KMT2D: variants seen among roughly 807,000 people sequenced by gnomAD.
The protein encoded by KMT2D is histone-lysine N-methyltransferase 2D.
KMT2D carries 55 observed loss-of-function variants against 512.7 expected under a neutral mutation model. The ratio of observed to expected loss-of-function variants is 0.11; its 90% CI spans 0.09 to 0.13. The LOEUF (loss-of-function observed/expected upper bound fraction) is 0.13, where lower values mean the gene tolerates loss of function less well. Ranked by LOEUF, KMT2D falls within the 10% of genes least tolerant of loss-of-function variation. KMT2D has a pLI of 1.00. For synonymous variants in KMT2D, 2,995 were observed against 2,904.0 expected, an observed-to-expected ratio of 1.03 and a Z score of -1.01; for missense variants, 6,061 against 7,127.9, an observed-to-expected ratio of 0.85 and a Z score of 5.39.
In KMT2D at chr12:49,037,128, T is replaced by C. The variant is rs1943258867; in HGVS notation, c.10228A>G (p.Thr3410Ala). The C allele has an allele frequency of 3.2e-6, 5 of 1,567,920 alleles. No homozygotes were observed. Among genetic ancestry groups the C allele is most frequent in the Non-Finnish European group, 4.3e-6 (5 of 1,151,518 alleles). Residue 3410 changes from threonine to alanine, a missense_variant, in exon 35 of 55, where the codon ACA becomes GCA. Physicochemically the swap from Thr to Ala is moderately conservative, Grantham distance 58. Around this residue, in one of 16 missense-constraint regions of KMT2D, gnomAD observed 533 missense variants for 539.6 expected, o/e 0.99. Transcript: ENST00000301067. Reference protein sequence around the residue: ...QQLANSFFPDTDLDKFAAEDI... With the variant: ...QQLANSFFPDADLDKFAAEDI... ...CTATGTTACCAGCTGAGGTTACCTG[T>C]ATCTGGGAAGAAGCTGTTTGCCAGC...
chr12:49,019,092 T>C lies in KMT2D; in HGVS notation c.*2688A>G. 1 of 1,208,842 alleles carries C rather than the reference T, an allele frequency of 8.3e-7. No individual in the cohort carries two copies. The highest frequency in any genetic ancestry group is 1.0e-6 in the Non-Finnish European group (1 of 967,110). The allele number at this position is 1,208,842 out of a possible 1,614,324, so 74.9% of individuals were successfully genotyped here. On this transcript the variant is annotated 3_prime_UTR_variant, in exon 55 of 55. Coordinates refer to ENST00000301067, the MANE Select transcript of KMT2D (RefSeq NM_003482.4). ...AATATGTACAGTTCAGAATGATCGC[T>C]GATACAAAACATGCCAAGGACAGGG...
At position 49,050,465 on chromosome 12, in the gene KMT2D, C is replaced by A. The variant is rs1025261494; in HGVS notation, c.3123G>T (p.Gln1041His). ...ACAGTGGTAGGGCAGGAGGAGAGCA[C>A]TGGGAAGGAGGGGAGTTTTGGGGAA... is the stretch of plus-strand genomic sequence containing the variant. ...SLVPQNSPPS[Q>H]CSPPALPLSV... Residue 1041 changes from glutamine to histidine, a missense_variant, in exon 12 of 55, where the codon CAG (glutamine) becomes CAT (histidine). Around this residue, in one of 16 missense-constraint regions of KMT2D, gnomAD observed 447 missense variants for 500.1 expected, o/e 0.89. Coordinates refer to ENST00000301067, the MANE Select transcript of KMT2D (RefSeq NM_003482.4). The A allele has an allele frequency of 1.9e-6, 3 of 1,613,816 alleles. No individual in the cohort carries two copies. The highest frequency in any genetic ancestry group is 2.5e-6 in the Non-Finnish European group (3 of 1,179,816).
Position 49,039,143 on chromosome 12 carries a change from A to G in KMT2D, c.8366+79T>C. ...GATACTGGAAAAGGATTAGTGATAC[A>G]GGAAAATCACAAGAGCTTCCAACAG... On this transcript the variant is annotated intron_variant, in intron 34 of 54. Transcript: ENST00000301067. This position sits in a 1 kb window ranked among gnomAD's most constrained non-coding sequence, Gnocchi z 5.0. 1 of 1,577,756 alleles carries G rather than the reference A, an allele frequency of 6.3e-7. No individual in the cohort carries two copies.
At chr12:49,045,593 A>G (rs10783301) in intron 19 of KMT2D, among the ~76,000 whole-genome samples, 60,995 of 150,224 alleles carry the variant, frequency 0.41, 12,639 homozygotes, top group African/African-American at 0.48. Context: ...GCAATGTGCC[A>G]AGCTTGTGCC....
chr12:49,052,764 A>G, intron 9 of KMT2D, 55 bp from the exon 10 acceptor site: 6 of 1,600,490 alleles, frequency 3.7e-6, no homozygotes, highest in Non-Finnish European at 5.1e-6. Flanking sequence ...AACAAATCCT[A>G]GAGAGCACAC....
intron 51 of KMT2D, among the ~76,000 whole-genome samples, chr12:49,023,396 G>A (rs1433408153): frequency 6.6e-6 from 1 of 152,154 alleles, no homozygotes; most frequent in Non-Finnish European, 1.5e-5. Context: ...CAGCCTAAAG[G>A]TGGTATCCTT....
chr12:49,052,307 G>T lies in KMT2D; in HGVS notation c.1376C>A (p.Ser459Tyr), dbSNP rs758601882. The change falls in exon 11 of 55, where the codon TCC (serine) becomes TAC (tyrosine). Residue 459 changes from serine (S) to tyrosine (Y), a missense_variant. By Grantham distance (144) the Ser-to-Tyr change is moderately radical. This residue lies in a region of KMT2D where 848 missense variants were observed against 838.5 expected (regional missense o/e 1.01). Coordinates refer to ENST00000301067, the MANE Select transcript of KMT2D (RefSeq NM_003482.4). ...CAGGCGTGATGCCTCAGGTGGTGGG[G>T]ACGTGGGTGATTCCTCAGGTGGTGG... ...LSPPPEESPT[S>Y]PPPEASRLSP... is the part of the protein sequence containing the mutation. The T allele has an allele frequency of 1.3e-6, 2 of 1,587,050 alleles. No homozygotes were observed. Among genetic ancestry groups the T allele is most frequent in the Admixed American group, 3.4e-5 (2 of 58,710 alleles).
chr12:49,047,909 G>A (rs1937651800), intron 15 of KMT2D, 56 bp downstream of exon 15: 3 of 1,240,708 alleles, frequency 2.4e-6, no homozygotes, highest in Non-Finnish European at 3.6e-6. Flanking sequence ...AAGGAACTAG[G>A]GTAAGAAATA....
chr12:49,033,291 G>A lies in KMT2D; in HGVS notation c.11414C>T (p.Ala3805Val), dbSNP rs867414725. ...CTGCTGCTGCAACACAGCCACCTGG[G>A]CAGGGCCCAGCATGCCCTGGGGCCC... is the stretch of plus-strand genomic sequence containing the variant. ...PQGPQGMLGP[A>V]QVAVLQQQHP... Residue 3805 changes from alanine (A) to valine (V), a missense_variant, in exon 40 of 55, where the codon GCC becomes GTC. Transcript: ENST00000301067. The A allele has an allele frequency of 6.3e-7, 1 of 1,582,572 alleles. No individual in the cohort carries two copies. The highest frequency in any genetic ancestry group is 1.2e-5 in the South Asian group (1 of 86,460).
rs374208163 is a variant in KMT2D, at chr12:49,038,032, T to C, written c.9324A>G (p.Glu3108=). Residue 3108 remains glutamate (E), a synonymous_variant, in exon 35 of 55, where the codon GAA becomes GAG. Coordinates refer to ENST00000301067, the MANE Select transcript of KMT2D (RefSeq NM_003482.4). The surrounding 1 kb of genome is among the most constrained non-coding windows in gnomAD (Gnocchi z 5.7). The part of the protein sequence containing the change: ...ERPPPAADAS[E]PRLASVLPEV... ...CAGGGAGCACAGATGCCAGGCGGGGTTCAGAGGCATCAGCAGCAGGGGGAG... is the reference window on the plus strand; with the variant it reads ...CAGGGAGCACAGATGCCAGGCGGGGCTCAGAGGCATCAGCAGCAGGGGGAG... 2.4e-5 allele frequency: 38 copies of C among 1,610,100 alleles called. No individual in the cohort carries two copies. The highest frequency in any genetic ancestry group is 3.2e-5 in the Non-Finnish European group (38 of 1,178,494).
rs991859389 is a variant in KMT2D, at chr12:49,022,897, G to A, written c.16053-22C>T. The A allele has an allele frequency of 6.4e-7, 1 of 1,556,214 alleles. No homozygotes were observed. Among genetic ancestry groups the A allele is most frequent in the Non-Finnish European group, 8.7e-7 (1 of 1,147,660 alleles). On this transcript the variant is annotated intron_variant, in intron 51 of 54. Coordinates refer to ENST00000301067, the MANE Select transcript of KMT2D (RefSeq NM_003482.4). The surrounding 1 kb of genome is among the most constrained non-coding windows in gnomAD (Gnocchi z 8.6). ...GGGCCTGGGAGGTGATATAATCCAT[G>A]ACAAGACAGCTCTCCCTCAGACCAA...
rs2120544387 is a variant in KMT2D, at chr12:49,041,279, G to A, written c.6491C>T (p.Pro2164Leu). The A allele has an allele frequency of 1.3e-6, 2 of 1,520,574 alleles. No homozygotes were observed. The highest frequency in any genetic ancestry group is 2.6e-5 in the South Asian group (2 of 75,866). The allele number at this position is 1,520,574 out of a possible 1,614,324, so 94.2% of individuals were successfully genotyped here. A position where few individuals can be genotyped will look rare whatever the true frequency, so the allele number is the denominator to read the frequency against. The change falls in exon 32 of 55, where the codon CCA (proline) becomes CTA (leucine). Residue 2164 changes from proline (P) to leucine (L), a missense_variant. By Grantham distance (98) the Pro-to-Leu change is moderately conservative (BLOSUM62 -3). Transcript: ENST00000301067. The surrounding 1 kb of genome is among the most constrained non-coding windows in gnomAD (Gnocchi z 5.4). ...DSPGELFLKL[P>L]PQVPAQVPSQ... ...AGGCACTTGGGCGGGCACCTGGGGT[G>A]GGAGCTTGAGGAAGAGCTCACCAGG... is the stretch of plus-strand genomic sequence containing the variant.
In KMT2D at chr12:49,032,887, G is replaced by C; in HGVS notation, c.11818C>G (p.Leu3940Val). 6.5e-7 allele frequency: 1 copy of C among 1,549,778 alleles called. No homozygotes were observed. Among genetic ancestry groups the C allele is most frequent in the Non-Finnish European group, 8.7e-7 (1 of 1,146,804 alleles). ...AGCTGTTGCTGCTGCTGTTGTTGAA[G>C]CTGCTGCTGCTGTTGCTGCTGTTGA... ...QLQQQQQQQQ[L>V]QQQQQQQLQQ... Residue 3940 changes from leucine to valine, a missense_variant, in exon 40 of 55, where the codon CTT becomes GTT. By Grantham distance (32) the Leu-to-Val change is conservative. Coordinates refer to ENST00000301067, the MANE Select transcript of KMT2D (RefSeq NM_003482.4).
chr12:49,044,950 C>A lies in KMT2D; in HGVS notation c.4757G>T (p.Arg1586Leu), dbSNP rs1170765431. The A allele has an allele frequency of 6.2e-7, 1 of 1,613,818 alleles. No individual in the cohort carries two copies. Among genetic ancestry groups the A allele is most frequent in the Non-Finnish European group, 8.5e-7 (1 of 1,179,714 alleles). The change falls in exon 20 of 55, where the codon CGC (arginine) becomes CTC (leucine). Residue 1586 changes from arginine (R) to leucine (L), a missense_variant. Transcript: ENST00000301067. This position sits in a 1 kb window ranked among gnomAD's most constrained non-coding sequence, Gnocchi z 6.4. Reference sequence around the variant, plus strand: ...TTCTGTCAGCCACACACCTTCGAAGCGAAAGTACTGGGGCTCTGCATAAGA... The same window carrying A: ...TTCTGTCAGCCACACACCTTCGAAGAGAAAGTACTGGGGCTCTGCATAAGA... Reference protein sequence around the residue: ...KVKEPEPQYFRFEGVWLTETG... With the variant: ...KVKEPEPQYFLFEGVWLTETG...
At position 49,034,562 on chromosome 12, in the gene KMT2D, A is replaced by C; in HGVS notation, c.10440+20T>G. On this transcript the variant is annotated intron_variant, in intron 37 of 54. Transcript: ENST00000301067. ...CCAGTGGCATAAGACACAAGTTCCT[A>C]CTCCCACCTGACCACTTACCTGGCC... 6.2e-7 allele frequency: 1 copy of C among 1,611,810 alleles called. No individual in the cohort carries two copies.
chr12:49,037,203 T>A lies in KMT2D; in HGVS notation c.10153A>T (p.Met3385Leu), dbSNP rs746623211. The part of the protein sequence containing the change: ...PVLSQKPMGT[M>L]PPSMCMKPQQ... ...GGCTTCATGCACATGGAAGGTGGCA[T>A]GGTGCCCATGGGCTTCTGTGATAGC... The change falls in exon 35 of 55, where the codon ATG (methionine) becomes TTG (leucine). Residue 3385 changes from methionine (M) to leucine (L), a missense_variant. Coordinates refer to ENST00000301067, the MANE Select transcript of KMT2D (RefSeq NM_003482.4). 6.2e-7 allele frequency: 1 copy of A among 1,609,988 alleles called. No homozygotes were observed. The highest frequency in any genetic ancestry group is 8.5e-7 in the Non-Finnish European group (1 of 1,176,822).
In KMT2D at chr12:49,039,174, A is replaced by C; in HGVS notation, c.8366+48T>G. On this transcript the variant is annotated intron_variant, in intron 34 of 54. Transcript: ENST00000301067. The surrounding 1 kb of genome is among the most constrained non-coding windows in gnomAD (Gnocchi z 5.0). ...ATCACAAGAGCTTCCAACAGTGATA[A>C]AATCCATCCCCCTTGGTTTACCCCC... The C allele has an allele frequency of 1.9e-6, 3 of 1,605,576 alleles. No homozygotes were observed. The South Asian group carries it at 3.3e-5, about 18-fold the overall frequency.
chr12:49,044,365 C>T lies in KMT2D; in HGVS notation c.5083+38G>A, dbSNP rs1225036439. 6.2e-7 allele frequency: 1 copy of T among 1,613,542 alleles called. No individual in the cohort carries two copies. The highest frequency in any genetic ancestry group is 1.3e-5 in the African/African-American group (1 of 74,886). ...GGGGGACCTATTGAGCTGCCCCGCA[C>T]CACCCCACCACCCCACAACCCCATC... On this transcript the variant is annotated intron_variant, in intron 21 of 54. Transcript: ENST00000301067. This position sits in a 1 kb window ranked among gnomAD's most constrained non-coding sequence, Gnocchi z 6.4.
rs1480522847 is a variant in KMT2D at position 49,039,427 on chromosome 12, C to G, written c.8229+8G>C. The G allele has an allele frequency of 1.9e-6, 3 of 1,600,102 alleles. No homozygotes were observed. The highest frequency in any genetic ancestry group is 1.7e-6 in the Non-Finnish European group (2 of 1,172,120). On this transcript the variant is annotated splice_region_variant and intron_variant, in intron 33 of 54. Coordinates refer to ENST00000301067, the MANE Select transcript of KMT2D (RefSeq NM_003482.4). This position sits in a 1 kb window ranked among gnomAD's most constrained non-coding sequence, Gnocchi z 5.0. Reference sequence around the variant, plus strand: ...CCTGGCCCCACTATCCCTTGCCACTCTACCTACCTGTGTCCCAGCAAAGGG... The same window carrying G: ...CCTGGCCCCACTATCCCTTGCCACTGTACCTACCTGTGTCCCAGCAAAGGG...
Sources: gnomAD v4.1 joint callset for allele counts (sites outside exome capture counted in the v4.1 genomes callset) on GRCh38, gnomAD v4.1.1 for gene constraint, gnomAD v4.1.1 regional missense constraint, Gnocchi (gnomAD v3.1) non-coding constraint, MANE v1.5 for transcripts, NCBI Gene and HGNC (gene_info 2026-07-23, HGNC 2026-07-21) for gene names.